Variants in CNTNAP4 observed in about 807,000 individuals in gnomAD.
CNTNAP4 encodes the protein contactin associated protein family member 4.
CNTNAP4 carries 98 observed loss-of-function variants against 148.4 expected under a neutral mutation model. That is an observed-to-expected ratio of 0.66 (90% CI 0.56 to 0.78). The LOEUF (loss-of-function observed/expected upper bound fraction) is 0.78. Among genes scored for constraint, CNTNAP4 ranks in the 30% least tolerant of loss-of-function variants. CNTNAP4 has a pLI of 0.00. For synonymous variants in CNTNAP4, 730 were observed against 565.1 expected (o/e 1.29, Z -4.14); for missense variants, 1,935 against 1,565.6 (o/e 1.24, Z -3.98).
chr16:76,531,869 T>G (rs1299494207), intron 17 of CNTNAP4, among the ~76,000 whole-genome samples: 1 of 152,208 alleles, frequency 6.6e-6, no homozygotes, highest in Non-Finnish European at 1.5e-5. Context: ...TAAAACTATT[T>G]GGTTAGGTAA....
In CNTNAP4 at chr16:76,448,010, A is replaced by G; in HGVS notation, c.539-2A>G. 3.1e-6 allele frequency: 5 copies of G among 1,605,960 alleles called. No homozygotes were observed. The highest frequency in any genetic ancestry group is 4.3e-6 in the Non-Finnish European group (5 of 1,173,736). ...AATGCCTTCTACTATCTTTGTTTCT[A>G]GGATCAGAAGTGGTTGATCTTGATG... is the stretch of plus-strand genomic sequence containing the variant. On this transcript the variant is annotated splice_acceptor_variant, in intron 4 of 23. Coordinates refer to ENST00000611870, the MANE Select transcript of CNTNAP4 (RefSeq NM_033401.5). LOFTEE classifies it high-confidence loss of function.
At chr16:76,479,172 A>G (rs1056077816) in intron 11 of CNTNAP4, among the ~76,000 whole-genome samples, 1 of 152,106 alleles carries the variant, frequency 6.6e-6, no homozygotes, top group African/African-American at 2.4e-5. Context: ...GATTTTGACC[A>G]AGTAATTTCA....
intron 8 of CNTNAP4, among the ~76,000 whole-genome samples, chr16:76,455,707 A>G (rs1194502820): frequency 6.6e-6 from 1 of 152,228 alleles, no homozygotes; most frequent in Non-Finnish European, 1.5e-5. Context: ...ATACGCTTGG[A>G]AAGAGGCAAC....
At chr16:76,377,610 C>A (rs1007902895) in intron 3 of CNTNAP4, among the ~76,000 whole-genome samples, 1 of 152,066 alleles carries the variant, frequency 6.6e-6, no homozygotes, top group Non-Finnish European at 1.5e-5. Context: ...CAGAGAGTTG[C>A]AAGGGGTGTG....
At position 76,316,471 on chromosome 16, in the gene CNTNAP4, CG is replaced by C; in HGVS notation, c.145del (p.Glu49SerfsTer13). Reference protein sequence around the residue: ...LPQASFSSSSELSSSHGPGFA... With the variant: ...LPQASFSSSSXLSSSHGPGFA... Reference sequence around the variant, plus strand: ...CTCAGGCATCCTTCAGCAGTTCTTCCGAGCTCTCCAGCAGTCATGGTCCTGG... The same window carrying C: ...CTCAGGCATCCTTCAGCAGTTCTTCCAGCTCTCCAGCAGTCATGGTCCTGG... On this transcript the variant is annotated frameshift_variant, in exon 2 of 24. Transcript: ENST00000611870. LOFTEE classifies it high-confidence loss of function. 1 of 1,613,858 alleles carries C rather than the reference CG, an allele frequency of 6.2e-7. No homozygotes were observed. Among genetic ancestry groups the C allele is most frequent in the Non-Finnish European group, 8.5e-7 (1 of 1,179,824 alleles).
At chr16:76,323,270 G>A (rs1025640352) in intron 2 of CNTNAP4, among the ~76,000 whole-genome samples, 1 of 145,166 alleles carries the variant, frequency 6.9e-6, no homozygotes, top group African/African-American at 2.6e-5. Flanking sequence ...GAATTAGGGT[G>A]ATAGGATGGT....
At chr16:76,535,388 C>T (rs866744541) in intron 17 of CNTNAP4, among the ~76,000 whole-genome samples, 157 bp from the exon 18 acceptor site, 3 of 152,072 alleles carry the variant, frequency 2.0e-5, no homozygotes, top group Non-Finnish European at 2.9e-5. Context: ...TTGTATCTTT[C>T]TTGGAGTCTA....
intron 2 of CNTNAP4, among the ~76,000 whole-genome samples, chr16:76,331,333 G>T (rs374021126): frequency 6.6e-6 from 1 of 151,864 alleles, no homozygotes; most frequent in East Asian, 1.9e-4. Context: ...GACTGCAGGC[G>T]CCCGCCACCA....
At chr16:76,288,543 C>T (rs939314819) in intron 1 of CNTNAP4, among the ~76,000 whole-genome samples, 4 of 152,154 alleles carry the variant, frequency 2.6e-5, no homozygotes, top group African/African-American at 9.7e-5. Context: ...AGTCTCACCA[C>T]CTCAACTTTA....
At chr16:76,411,678 ATCT>A (rs2078799920) in intron 3 of CNTNAP4, among the ~76,000 whole-genome samples, 1 of 151,488 alleles carries the variant, frequency 6.6e-6, no homozygotes, top group African/African-American at 2.4e-5. Context: ...TCTTAAAAAA[ATCT>A]TCTATTTTTG....
At chr16:76,336,607 G>T (rs1263985369) in intron 2 of CNTNAP4, among the ~76,000 whole-genome samples, 3 of 152,176 alleles carry the variant, frequency 2.0e-5, no homozygotes, top group Non-Finnish European at 4.4e-5. Flanking sequence ...TTCATTATTT[G>T]TTGCTTTAAA....
intron 3 of CNTNAP4, among the ~76,000 whole-genome samples, chr16:76,419,604 G>T (rs2144983631): frequency 6.6e-6 from 1 of 152,098 alleles, no homozygotes; most frequent in South Asian, 2.1e-4. Flanking sequence ...TTTGTTCCAG[G>T]TGGATGGATC....
chr16:76,524,282 A>C (rs770169650), intron 17 of CNTNAP4, among the ~76,000 whole-genome samples: 3 of 152,204 alleles, frequency 2.0e-5, no homozygotes, highest in Non-Finnish European at 4.4e-5. Context: ...GAGAAGAAAT[A>C]TATAACTTTT....
chr16:76,489,875 A>T lies in CNTNAP4; in HGVS notation c.2072A>T (p.Asn691Ile). The change falls in exon 13 of 24, where the codon AAT (asparagine) becomes ATT (isoleucine). Residue 691 changes from asparagine (N) to isoleucine (I), a missense_variant. Asn to Ile is a moderately radical substitution (Grantham distance 149). Transcript: ENST00000611870. Reference sequence around the variant, plus strand: ...TACTGCAAGAAGTCACGGCTGGTCAATAAGCAAGGTAAGTAAACCATGGTG... The same window carrying T: ...TACTGCAAGAAGTCACGGCTGGTCATTAAGCAAGGTAAGTAAACCATGGTG... ...TYYCKKSRLVNKQDGTPLSWW... is the reference protein window; with the variant it reads ...TYYCKKSRLVIKQDGTPLSWW... 3 of 1,549,670 alleles carry T rather than the reference A, an allele frequency of 1.9e-6. No homozygotes were observed. Among genetic ancestry groups the T allele is most frequent in the Non-Finnish European group, 2.6e-6 (3 of 1,138,270 alleles).
chr16:76,320,707 G>A (rs1962315359), intron 2 of CNTNAP4, among the ~76,000 whole-genome samples: 1 of 152,102 alleles, frequency 6.6e-6, no homozygotes, highest in Non-Finnish European at 1.5e-5. Context: ...GTCCCATTTG[G>A]TTGTCTAAAT....
chr16:76,511,549 C>A (rs767847384), intron 15 of CNTNAP4, among the ~76,000 whole-genome samples: 7 of 152,132 alleles, frequency 4.6e-5, no homozygotes, highest in Admixed American at 1.3e-4. Flanking sequence ...GGATCAATTC[C>A]ATTTCAACAC....
intron 15 of CNTNAP4, among the ~76,000 whole-genome samples, chr16:76,511,867 A>C (rs1402371645): frequency 3.7e-5 from 4 of 107,406 alleles, no homozygotes; most frequent in Admixed American, 3.7e-4. Context: ...GAGAGACAAT[A>C]ATCAATTGAA....
Position 76,376,907 on chromosome 16 carries a change from TTGTGTGTGTGTGTGTGTGTG to T in CNTNAP4, c.390+21424_390+21443del, listed in dbSNP as rs5817987. ...TCCAGAGAAACAAAACTAACAAGGT[TTGTGTGTGTGTGTGTGTGTG>T]TGTGTGTGTGTGTGTGTGTGTGTGT... is the stretch of plus-strand genomic sequence containing the variant. On this transcript the variant is annotated intron_variant, in intron 3 of 23. Transcript: ENST00000611870. 9.8e-4 allele frequency among the ~76,000 whole-genome samples: 140 copies of T among 143,542 alleles called. 1 individual carries two copies. The highest frequency in any genetic ancestry group is 8.6e-3 in the South Asian group (38 of 4,418). The allele number at this position is 143,542 out of a possible 152,430, so 94.2% of individuals were successfully genotyped here.
At chr16:76,309,417 CAGGCTCAGGT>C (rs932066611) in intron 1 of CNTNAP4, among the ~76,000 whole-genome samples, 32 of 152,210 alleles carry the variant, frequency 2.1e-4, no homozygotes, top group African/African-American at 7.2e-4. Flanking sequence ...AGTAAAGGGG[CAGGCTCAGGT>C]ATGCCCTGGT....
Sources: allele counts gnomAD v4.1 joint callset (sites outside exome capture counted in the v4.1 genomes callset), GRCh38; gene constraint gnomAD v4.1.1; transcripts MANE v1.5; gene names NCBI Gene and HGNC (gene_info 2026-07-23, HGNC 2026-07-21).